The following IGF2R variants were observed in gnomAD, a reference collection of about 807,000 sequenced individuals.
The protein encoded by IGF2R is cation-independent mannose-6-phosphate receptor.
In IGF2R, 91 loss-of-function variants were observed where a neutral mutation model predicts 270.6. The observed-to-expected ratio is 0.34, with a 90% confidence interval of 0.28 to 0.40. IGF2R has a LOEUF of 0.40. Ranked by LOEUF, IGF2R falls within the 10% of genes least tolerant of loss-of-function variation. The probability of loss-of-function intolerance (pLI) is 1.00; values close to 1 mark genes in which losing one functional copy is unlikely to be tolerated. For missense variants in IGF2R, 2,805 were observed against 3,188.3 expected, an observed-to-expected ratio of 0.88 and a Z score of 2.90; for synonymous variants, 1,316 against 1,258.9, an observed-to-expected ratio of 1.05 and a Z score of -0.96.
rs1453941096 is a variant in IGF2R, at chr6:160,068,317, C to T, written c.4184C>T (p.Thr1395Ile). The T allele has an allele frequency of 2.5e-6, 4 of 1,614,162 alleles. No individual in the cohort carries two copies. Among genetic ancestry groups the T allele is most frequent in the East Asian group, 2.2e-5 (1 of 44,906 alleles). Residue 1395 changes from threonine (T) to isoleucine (I), a missense_variant, in exon 30 of 48, where the codon ACT (threonine) becomes ATT (isoleucine). Thr to Ile is a moderately conservative substitution (Grantham distance 89). Around this residue, in one of 2 missense-constraint regions of IGF2R, gnomAD observed 1,851 missense variants for 2,207.2 expected, o/e 0.84. Coordinates refer to ENST00000356956, the MANE Select transcript of IGF2R (RefSeq NM_000876.4). ...SRYSDNWEAI[T>I]GTGDPEHYLI... ...TACAGTGACAACTGGGAAGCCATCA[C>T]TGGGACGGGGGACCCGGAGCACTAC...
chr6:160,073,367 G>A lies in IGF2R; in HGVS notation c.4845G>A (p.Arg1615=), dbSNP rs1326173400. ...SYKSVISFVC[R]PEARPTNRPM... is the part of the protein sequence containing the mutation. ...AGAGTGTGATCAGTTTCGTGTGCAG[G>A]CCTGAGGCCAGGCCAACCAATAGGC... The change falls in exon 34 of 48, where the codon AGG becomes AGA. Residue 1615 remains arginine (R), a synonymous_variant. Coordinates refer to ENST00000356956, the MANE Select transcript of IGF2R (RefSeq NM_000876.4). 6.2e-7 allele frequency: 1 copy of A among 1,614,254 alleles called. No individual in the cohort carries two copies. The highest frequency in any genetic ancestry group is 8.5e-7 in the Non-Finnish European group (1 of 1,180,048).
chr6:160,093,966 A>G (rs554138438), intron 44 of IGF2R: 4 of 683,922 alleles, frequency 5.8e-6, no homozygotes, highest in South Asian at 5.4e-5. Context: ...TGGATGTAGA[A>G]CAGAAAATGA....
intron 45 of IGF2R, among the ~76,000 whole-genome samples, chr6:160,099,088 AG>A (rs1245975194): frequency 6.6e-6 from 1 of 152,220 alleles, no homozygotes; most frequent in Non-Finnish European, 1.5e-5. Flanking sequence ...TACAGATGGA[AG>A]GGGCAGGCTA....
intron 41 of IGF2R, among the ~76,000 whole-genome samples, chr6:160,086,978 G>A (rs1025647598): frequency 4.6e-5 from 7 of 152,036 alleles, no homozygotes; most frequent in South Asian, 4.2e-4. Context: ...GGCCCAGACC[G>A]TTCCCAGAAC....
chr6:159,971,381 A>G (rs1390915543), intron 1 of IGF2R, among the ~76,000 whole-genome samples: 1 of 152,208 alleles, frequency 6.6e-6, no homozygotes, highest in Non-Finnish European at 1.5e-5. Flanking sequence ...GGGCATACTT[A>G]GCAAATGCTG....
At chr6:160,088,253 G>T in intron 42 of IGF2R, 106 bp downstream of exon 42, 1 of 747,554 alleles carries the variant, frequency 1.3e-6, no homozygotes. Context: ...TAGGAGCTCA[G>T]GGCCAGAGCC....
chr6:160,105,263 T>C lies in IGF2R; in HGVS notation c.*179T>C. 1.7e-6 allele frequency: 1 copy of C among 586,698 alleles called. No homozygotes were observed. The highest frequency in any genetic ancestry group is 2.2e-5 in the South Asian group (1 of 44,906). 36.3% of individuals were successfully genotyped at this position (586,698 alleles called of 1,614,324 possible). On this transcript the variant is annotated 3_prime_UTR_variant, in exon 48 of 48. Transcript: ENST00000356956. ...GTCAGGCCCCACTCCTTCCTGATTG[T>C]TTACAGTCATTGGAATAAGGCATGG...
chr6:159,992,903 A>G (rs1562335417), intron 2 of IGF2R, among the ~76,000 whole-genome samples: 1 of 152,124 alleles, frequency 6.6e-6, no homozygotes, highest in South Asian at 2.1e-4. Flanking sequence ...CCGTTTTTCT[A>G]CGTTCTTGCC....
chr6:160,031,094 G>A (rs953138579), intron 7 of IGF2R, among the ~76,000 whole-genome samples: 2 of 152,068 alleles, frequency 1.3e-5, no homozygotes, highest in South Asian at 2.1e-4. Context: ...TGTCCACCTC[G>A]GCCTCCCACA....
At chr6:160,001,357 C>G (rs1784127806) in intron 2 of IGF2R, among the ~76,000 whole-genome samples, 2 of 152,072 alleles carry the variant, frequency 1.3e-5, no homozygotes, top group Admixed American at 1.3e-4. Flanking sequence ...CCATCACCCC[C>G]AGATGGGACC....
rs1473324173 is a variant in IGF2R at position 160,034,426 on chromosome 6, G to A, written c.1219G>A (p.Asp407Asn). Residue 407 changes from aspartate to asparagine, a missense_variant, in exon 10 of 48, where the codon GAT becomes AAT. By Grantham distance (23) the Asp-to-Asn change is conservative. Coordinates refer to ENST00000356956, the MANE Select transcript of IGF2R (RefSeq NM_000876.4). ...GTATTCACAAAAATCTAGATATTCG[G>A]ATGGAGACCTCACCTTGATATATTT... ...RYHNQTLRYS[D>N]GDLTLIYFGG... 1 of 1,595,478 alleles carries A rather than the reference G, an allele frequency of 6.3e-7. No homozygotes were observed. Among genetic ancestry groups the A allele is most frequent in the Admixed American group, 1.7e-5 (1 of 59,850 alleles).
chr6:160,027,621 C>G (rs1777591508), intron 6 of IGF2R, among the ~76,000 whole-genome samples: 1 of 152,224 alleles, frequency 6.6e-6, no homozygotes, highest in Non-Finnish European at 1.5e-5. Context: ...ATTTTTCATT[C>G]TGTGGCACCC....
intron 1 of IGF2R, among the ~76,000 whole-genome samples, chr6:159,972,794 C>A (rs1390676447): frequency 2.0e-5 from 3 of 152,208 alleles, no homozygotes; most frequent in Non-Finnish European, 4.4e-5. Context: ...CGTGGAGGGG[C>A]CTGCCCTCTG....
chr6:160,019,239 AG>A, intron 4 of IGF2R, among the ~76,000 whole-genome samples: 1 of 152,328 alleles, frequency 6.6e-6, no homozygotes, highest in South Asian at 2.1e-4. Context: ...TCAACCAGGA[AG>A]AAATAGAAAT....
intron 32 of IGF2R, among the ~76,000 whole-genome samples, 164 bp from the exon 33 acceptor site, chr6:160,072,601 T>C (rs1562367693): frequency 6.6e-6 from 1 of 152,208 alleles, no homozygotes; most frequent in Non-Finnish European, 1.5e-5. Flanking sequence ...ACTGACAGTC[T>C]CATGATACAG....
intron 1 of IGF2R, among the ~76,000 whole-genome samples, chr6:159,990,433 GA>G (rs1056196164): frequency 4.6e-5 from 7 of 152,116 alleles, no homozygotes; most frequent in Admixed American, 2.0e-4. Context: ...TCTCCTTGCT[GA>G]AAAAGAATGT....
chr6:160,073,322 C>T lies in IGF2R; in HGVS notation c.4800C>T (p.Ser1600=), dbSNP rs746725877. 3 of 1,614,148 alleles carry T rather than the reference C, an allele frequency of 1.9e-6. No individual in the cohort carries two copies. Among genetic ancestry groups the T allele is most frequent in the African/African-American group, 2.7e-5 (2 of 74,954 alleles). The change falls in exon 34 of 48, where the codon TCC becomes TCT. Residue 1600 remains serine (S), a synonymous_variant. Transcript: ENST00000356956. ...ACAAGGATGGGTCCCCTTGTCCCTCCAAATCCGGCCTGAGCTATAAGAGTG... is the reference window on the plus strand; with the variant it reads ...ACAAGGATGGGTCCCCTTGTCCCTCTAAATCCGGCCTGAGCTATAAGAGTG... ...LVYKDGSPCP[S]KSGLSYKSVI...
chr6:159,989,905 G>T (rs1783950300), intron 1 of IGF2R, among the ~76,000 whole-genome samples: 1 of 152,226 alleles, frequency 6.6e-6, no homozygotes, highest in African/African-American at 2.4e-5. Context: ...CACCTATTTT[G>T]TCCCAAGTAT....
In IGF2R at chr6:160,107,894, T is replaced by A. The variant is rs1779656689; in HGVS notation, c.*2810T>A. ...TTTCCCTGAATCATTTGAGATGAAGTTTCTTCCCATCACCAGGCATTCCTA... is the reference window on the plus strand; with the variant it reads ...TTTCCCTGAATCATTTGAGATGAAGATTCTTCCCATCACCAGGCATTCCTA... On this transcript the variant is annotated 3_prime_UTR_variant, in exon 48 of 48. Transcript: ENST00000356956. 1 of 152,204 alleles carries A rather than the reference T, an allele frequency of 6.6e-6. No individual in the cohort carries two copies. The highest frequency in any genetic ancestry group is 6.5e-5 in the Admixed American group (1 of 15,288). The allele number at this position is 152,204 out of a possible 1,614,324, so 9.4% of individuals were successfully genotyped here.
Sources: gnomAD v4.1 joint callset for allele counts (sites outside exome capture counted in the v4.1 genomes callset) on GRCh38, gnomAD v4.1.1 for gene constraint, gnomAD v4.1.1 regional missense constraint, MANE v1.5 for transcripts, NCBI Gene and HGNC (gene_info 2026-07-23, HGNC 2026-07-21) for gene names.